BCAR3: variants seen among roughly 807,000 people sequenced by gnomAD.
BCAR3 encodes BCAR3 adaptor protein, NSP family member, also known as breast cancer anti-estrogen resistance protein 3.
A neutral mutation model predicts 80.1 loss-of-function variants in BCAR3; 37 were observed. That is an observed-to-expected ratio of 0.46 (90% confidence interval 0.36 to 0.61). The LOEUF is 0.61. BCAR3 is among the 20% of genes least tolerant of loss of function. The pLI, the probability that BCAR3 is intolerant of heterozygous loss-of-function variation, is 0.00. For missense variants in BCAR3, 978 were observed against 1,068.2 expected (o/e 0.92, Z 1.18); for synonymous variants, 389 against 418.9 (o/e 0.93, Z 0.87).
chr1:93,651,091 A>C (rs1256374960), intron 2 of BCAR3, among the ~76,000 whole-genome samples: 1 of 152,212 alleles, frequency 6.6e-6, no homozygotes, highest in Admixed American at 6.5e-5. Flanking sequence ...TAGAGAGAGA[A>C]GGTACTGAAG....
intron 3 of BCAR3, among the ~76,000 whole-genome samples, chr1:93,615,289 C>A (rs1196516984): frequency 6.6e-6 from 1 of 152,098 alleles, no homozygotes; most frequent in Non-Finnish European, 1.5e-5. Context: ...TGGACTAGGT[C>A]AAGTCTGCCC....
intron 2 of BCAR3, among the ~76,000 whole-genome samples, chr1:93,833,381 T>C (rs1160848912): frequency 1.3e-5 from 2 of 152,248 alleles, no homozygotes; most frequent in Non-Finnish European, 1.5e-5. Context: ...GCATGCATTG[T>C]CATTGATAAA....
At chr1:93,770,691 C>T (rs1652329437) in intron 2 of BCAR3, among the ~76,000 whole-genome samples, 1 of 152,114 alleles carries the variant, frequency 6.6e-6, no homozygotes, top group South Asian at 2.1e-4. Context: ...AACAATTTAT[C>T]CAAATAGTCG....
chr1:93,600,031 G>A (rs1412942346), intron 3 of BCAR3, among the ~76,000 whole-genome samples: 2 of 152,152 alleles, frequency 1.3e-5, no homozygotes, highest in African/African-American at 4.8e-5. Flanking sequence ...ATTGCCCCTA[G>A]GTTCAGAGAT....
At chr1:93,714,182 C>T (rs998687538) in intron 2 of BCAR3, among the ~76,000 whole-genome samples, 1 of 152,120 alleles carries the variant, frequency 6.6e-6, no homozygotes, top group East Asian at 1.9e-4. Flanking sequence ...AGGGTTTCAC[C>T]GTGTTAGCCA....
At chr1:93,797,018 T>C (rs1653300284) in intron 2 of BCAR3, among the ~76,000 whole-genome samples, 1 of 152,168 alleles carries the variant, frequency 6.6e-6, no homozygotes, top group South Asian at 2.1e-4. Context: ...TGTACCCTGG[T>C]AGCAATTTTC....
At chr1:93,722,796 A>T (rs1650448262) in intron 2 of BCAR3, among the ~76,000 whole-genome samples, 1 of 152,114 alleles carries the variant, frequency 6.6e-6, no homozygotes, top group Non-Finnish European at 1.5e-5. Context: ...CCCTCTAGTC[A>T]GGCGAACAGG....
rs1253647144 is a variant in BCAR3, at chr1:93,808,045, A to T, written c.-63+37522T>A. Among the ~76,000 whole-genome samples, 117 of 146,390 alleles carry T rather than the reference A, an allele frequency of 8.0e-4. 1 individual carries two copies. Among genetic ancestry groups the T allele is most frequent in the African/African-American group, 2.7e-3 (101 of 37,554 alleles). Reference sequence around the variant, plus strand: ...AAAGCAAAACTCTTTTTTTTTTTAAAAAAAAAAAAAAAGAAGAAAAATGAA... The same window carrying T: ...AAAGCAAAACTCTTTTTTTTTTTAATAAAAAAAAAAAAGAAGAAAAATGAA... On this transcript the variant is annotated intron_variant, in intron 2 of 13. Transcript: ENST00000370244.
chr1:93,847,466 C>A (rs1655256418), upstream of BCAR3: 1 of 151,846 alleles, frequency 6.6e-6, no homozygotes, highest in African/African-American at 2.4e-5. Context: ...GTGCCCTGAG[C>A]GCGGCGGCTG....
chr1:93,658,337 A>C (rs1647487841), intron 2 of BCAR3, among the ~76,000 whole-genome samples: 1 of 152,220 alleles, frequency 6.6e-6, no homozygotes, highest in South Asian at 2.1e-4. Flanking sequence ...AAGAAAGAAC[A>C]AAACTGGTTG....
chr1:93,743,166 GT>G (rs1441967253), intron 2 of BCAR3, among the ~76,000 whole-genome samples: 3 of 152,300 alleles, frequency 2.0e-5, no homozygotes, highest in African/African-American at 4.8e-5. Flanking sequence ...GAGATTACTG[GT>G]TTGGGTAACA....
chr1:93,699,920 A>T (rs1432948711), intron 3 of BCAR3, among the ~76,000 whole-genome samples: 1 of 152,194 alleles, frequency 6.6e-6, no homozygotes, highest in Non-Finnish European at 1.5e-5. Context: ...GGACTTGGAC[A>T]GCCTGGCTCC....
At chr1:93,671,639 T>G (rs948797363) in intron 2 of BCAR3, among the ~76,000 whole-genome samples, 1 of 152,242 alleles carries the variant, frequency 6.6e-6, no homozygotes. Flanking sequence ...AAGAGTTGAA[T>G]GAGAAGTTCC....
chr1:93,698,854 C>T lies in BCAR3; in HGVS notation c.-12+7238G>A, dbSNP rs943455752. Among the ~76,000 whole-genome samples, 8 of 152,310 alleles carry T rather than the reference C, an allele frequency of 5.3e-5. No individual in the cohort carries two copies. The South Asian group carries it at 1.4e-3, about 28-fold the overall frequency. On this transcript the variant is annotated intron_variant, in intron 3 of 13. Coordinates refer to the BCAR3 transcript ENST00000370244. ...TTACCTTAACAGCATCCACTACTGA[C>T]GACAGCCCACAGGTTCTAACCTGCC... is the stretch of plus-strand genomic sequence containing the variant.
intron 3 of BCAR3, among the ~76,000 whole-genome samples, chr1:93,687,916 A>T (rs1351232959): frequency 6.6e-6 from 1 of 152,248 alleles, no homozygotes; most frequent in East Asian, 1.9e-4. Context: ...ACCAAGGAAG[A>T]TCAATCAGAA....
intron 2 of BCAR3, among the ~76,000 whole-genome samples, chr1:93,656,568 C>T (rs987928149): frequency 2.0e-5 from 3 of 149,392 alleles, no homozygotes; most frequent in East Asian, 1.9e-4. Flanking sequence ...TACCATACAT[C>T]GTTATTTTAT....
intron 3 of BCAR3, among the ~76,000 whole-genome samples, chr1:93,611,387 G>A (rs1375074598): frequency 6.6e-6 from 1 of 152,154 alleles, no homozygotes; most frequent in Non-Finnish European, 1.5e-5. Flanking sequence ...ACTTGAATAT[G>A]TCTGTTAATG....
Position 93,586,905 on chromosome 1 carries a change from G to A in BCAR3, c.929+2072C>T, listed in dbSNP as rs1408153858. On this transcript the variant is annotated intron_variant, in intron 5 of 11. Transcript: ENST00000260502. The surrounding 1 kb of genome is among the most constrained non-coding windows in gnomAD (Gnocchi z 4.2). ...TTCTCCTGCCTTAGCCTCCCTAGTA[G>A]CTGGGACTACAGGCGTGCACCACCA... Among the ~76,000 whole-genome samples, 1 of 152,170 alleles carries A rather than the reference G, an allele frequency of 6.6e-6. No homozygotes were observed. The highest frequency in any genetic ancestry group is 1.5e-5 in the Non-Finnish European group (1 of 68,030).
At chr1:93,663,537 A>G (rs1011532509) in intron 2 of BCAR3, among the ~76,000 whole-genome samples, 1 of 152,204 alleles carries the variant, frequency 6.6e-6, no homozygotes, top group African/African-American at 2.4e-5. Context: ...TTGCTTATCA[A>G]TCCAGTGGAG....
Sources: allele counts gnomAD v4.1 joint callset (sites outside exome capture counted in the v4.1 genomes callset), GRCh38; gene constraint gnomAD v4.1.1; non-coding constraint Gnocchi (gnomAD v3.1); transcripts MANE v1.5; gene names NCBI Gene and HGNC (gene_info 2026-07-23, HGNC 2026-07-21).